The following GABRB2 variants were observed in gnomAD, a reference collection of about 807,000 sequenced individuals.
GABRB2 encodes gamma-aminobutyric acid receptor subunit beta-2.
Under a neutral mutation model 54.7 loss-of-function variants are expected in GABRB2, and 16 were observed. That is an observed-to-expected ratio of 0.29 (90% CI 0.20 to 0.44). The LOEUF (loss-of-function observed/expected upper bound fraction) is 0.44. GABRB2 is among the 20% of genes least tolerant of loss of function. The probability of loss-of-function intolerance (pLI) is 1.00; values close to 1 mark genes in which losing one functional copy is unlikely to be tolerated. For synonymous variants in GABRB2, 244 were observed against 233.8 expected (o/e 1.04, Z -0.40); for missense variants, 355 against 644.0 (o/e 0.55, Z 4.86).
At position 161,368,610 on chromosome 5, in the gene GABRB2, G is replaced by C. The variant is rs75621651; in HGVS notation, c.542-31841C>G. Among the ~76,000 whole-genome samples the C allele has an allele frequency of 9.4e-4, 143 of 152,260 alleles. 1 individual carries two copies. Among genetic ancestry groups the C allele is most frequent in the Middle Eastern group, 3.4e-3 (1 of 294 alleles). ...GGAGTTGAGTAGAGGCTGCCTGTTC[G>C]AGATGTCGCATACTCTGCACACCTG... On this transcript the variant is annotated intron_variant, in intron 5 of 9. Coordinates refer to ENST00000393959, the MANE Select transcript of GABRB2 (RefSeq NM_001371727.1).
chr5:161,430,398 T>C (rs980331608), intron 4 of GABRB2, among the ~76,000 whole-genome samples: 8 of 152,184 alleles, frequency 5.3e-5, no homozygotes, highest in Non-Finnish European at 8.8e-5. Context: ...AAAAATGTTG[T>C]GAGTGTTAGC....
chr5:161,458,795 C>T (rs1758038983), intron 4 of GABRB2, among the ~76,000 whole-genome samples: 1 of 152,146 alleles, frequency 6.6e-6, no homozygotes, highest in South Asian at 2.1e-4. Context: ...TGACCCATAA[C>T]AAGTGTTCAA....
intron 5 of GABRB2, 39 bp from the exon 6 acceptor site, chr5:161,336,808 A>G: frequency 6.5e-7 from 1 of 1,528,170 alleles, no homozygotes; most frequent in South Asian, 1.3e-5. Flanking sequence ...ACACAAATAC[A>G]GAAAACAAAA....
chr5:161,294,030 C>G lies in GABRB2; in HGVS notation c.*51G>C, dbSNP rs746994587. 5 of 1,394,252 alleles carry G rather than the reference C, an allele frequency of 3.6e-6. No individual in the cohort carries two copies. The East Asian group carries it at 9.2e-5, about 26-fold the overall frequency. The allele number at this position is 1,394,252 out of a possible 1,614,324, so 86.4% of individuals were successfully genotyped here. A position where few individuals can be genotyped will look rare whatever the true frequency, so the allele number is the denominator to read the frequency against. The stretch of plus-strand genomic sequence containing the variant: ...TTTCCAAGTCCTACATCAGGCTGTA[C>G]AACTGGTTTGAGGAGGAATCTAGTC... On this transcript the variant is annotated 3_prime_UTR_variant, in exon 10 of 10. Coordinates refer to ENST00000393959, the MANE Select transcript of GABRB2 (RefSeq NM_001371727.1).
chr5:161,367,167 T>C (rs1166179997), intron 5 of GABRB2, among the ~76,000 whole-genome samples: 3 of 152,210 alleles, frequency 2.0e-5, no homozygotes, highest in African/African-American at 4.8e-5. Context: ...TTGATATCTA[T>C]AGTCCATAAA....
At chr5:161,314,690 C>G (rs978170725) in intron 9 of GABRB2, among the ~76,000 whole-genome samples, 3 of 152,132 alleles carry the variant, frequency 2.0e-5, no homozygotes, top group South Asian at 2.1e-4. Flanking sequence ...TCTCTCCCCC[C>G]TCTTTCTGCC....
chr5:161,468,999 T>A (rs865797273), intron 3 of GABRB2, among the ~76,000 whole-genome samples: 33 of 151,882 alleles, frequency 2.2e-4, no homozygotes, highest in African/African-American at 8.0e-4. Context: ...TATTATTAGA[T>A]CTTATCTTTT....
intron 5 of GABRB2, among the ~76,000 whole-genome samples, chr5:161,374,174 T>C (rs1755216805): frequency 6.6e-6 from 1 of 151,932 alleles, no homozygotes; most frequent in South Asian, 2.1e-4. Context: ...GAACTCCTGA[T>C]CTCAGATGAT....
At chr5:161,305,939 C>A (rs1757679332) in intron 9 of GABRB2, among the ~76,000 whole-genome samples, 1 of 152,214 alleles carries the variant, frequency 6.6e-6, no homozygotes, top group African/African-American at 2.4e-5. Context: ...GGGTGGCTGA[C>A]AGCCATACTC....
rs573733710 is a variant in GABRB2, at chr5:161,497,218, C to A, written c.238-37374G>T. ...TGATCCCAACATGATTGCATAACTT[C>A]TTTAAGTCCATAAGGCAGCAGTGTC... On this transcript the variant is annotated intron_variant, in intron 3 of 9. Coordinates refer to ENST00000393959, the MANE Select transcript of GABRB2 (RefSeq NM_001371727.1). Among the ~76,000 whole-genome samples the A allele has an allele frequency of 3.9e-5, 6 of 152,196 alleles. No individual in the cohort carries two copies. In the South Asian group the frequency reaches 1.0e-3, roughly 26 times the overall value.
At chr5:161,412,874 G>A (rs1233284875) in intron 4 of GABRB2, among the ~76,000 whole-genome samples, 1 of 152,140 alleles carries the variant, frequency 6.6e-6, no homozygotes, top group Non-Finnish European at 1.5e-5. Context: ...CCTTCAAGCA[G>A]TCACCAAAAT....
chr5:161,453,047 T>C (rs1757838517), intron 4 of GABRB2, among the ~76,000 whole-genome samples: 2 of 152,236 alleles, frequency 1.3e-5, no homozygotes, highest in South Asian at 4.1e-4. Context: ...TAAACTATTC[T>C]GAAAATGATC....
chr5:161,307,699 T>C (rs252971), intron 9 of GABRB2, among the ~76,000 whole-genome samples: 16,564 of 152,038 alleles, frequency 0.11, 1,048 homozygotes, highest in Non-Finnish European at 0.14. Flanking sequence ...AAGATAGTTA[T>C]GGAGCCTACC....
chr5:161,308,977 A>C (rs1757780548), intron 9 of GABRB2, among the ~76,000 whole-genome samples: 1 of 152,244 alleles, frequency 6.6e-6, no homozygotes, highest in Admixed American at 6.5e-5. Context: ...GAAGACACCA[A>C]AAGCAGTAAC....
chr5:161,353,646 T>C (rs889652019), intron 5 of GABRB2, among the ~76,000 whole-genome samples: 4 of 152,094 alleles, frequency 2.6e-5, no homozygotes, highest in African/African-American at 9.6e-5. Context: ...GTTGCCTAAA[T>C]GTCTAAAAAT....
At chr5:161,346,873 CT>C (rs1203519499) in intron 5 of GABRB2, among the ~76,000 whole-genome samples, 1 of 151,940 alleles carries the variant, frequency 6.6e-6, no homozygotes, top group Non-Finnish European at 1.5e-5. Context: ...ATCATTCATT[CT>C]TTAAATTTGT....
intron 4 of GABRB2, among the ~76,000 whole-genome samples, chr5:161,442,355 A>G (rs1478556599): frequency 6.6e-6 from 1 of 152,214 alleles, no homozygotes. Context: ...GCAAAAGTAT[A>G]TGCTTTTTGT....
chr5:161,518,743 A>G (rs1760026717), intron 3 of GABRB2, among the ~76,000 whole-genome samples: 2 of 152,236 alleles, frequency 1.3e-5, no homozygotes, highest in Non-Finnish European at 2.9e-5. Flanking sequence ...AGATGCTGAT[A>G]AAGTCACTGG....
At chr5:161,400,151 T>A (rs1756138984) in intron 5 of GABRB2, among the ~76,000 whole-genome samples, 1 of 152,230 alleles carries the variant, frequency 6.6e-6, no homozygotes, top group Non-Finnish European at 1.5e-5. Context: ...TTCAATGGGC[T>A]GCAACTATCA....
Sources: gnomAD v4.1 joint callset for allele counts (sites outside exome capture counted in the v4.1 genomes callset) on GRCh38, gnomAD v4.1.1 for gene constraint, MANE v1.5 for transcripts, NCBI Gene and HGNC (gene_info 2026-07-23, HGNC 2026-07-21) for gene names.